ANTXR2: variants seen among roughly 807,000 people sequenced by gnomAD.
ANTXR2 encodes the protein ANTXR cell adhesion molecule 2.
A neutral mutation model predicts 73.7 loss-of-function variants in ANTXR2; 44 were observed. The ratio of observed to expected loss-of-function variants is 0.60; its 90% CI spans 0.47 to 0.77. The LOEUF is 0.77. Among genes scored for constraint, ANTXR2 ranks in the 30% least tolerant of loss-of-function variants. The pLI, the probability that ANTXR2 is intolerant of heterozygous loss-of-function variation, is 0.00. For synonymous variants in ANTXR2, 217 were observed against 205.9 expected (o/e 1.05, Z -0.46); for missense variants, 604 against 592.5 (o/e 1.02, Z -0.20).
chr4:80,066,089 T>C (rs1734482201), intron 3 of ANTXR2, among the ~76,000 whole-genome samples: 1 of 152,258 alleles, frequency 6.6e-6, no homozygotes, highest in East Asian at 1.9e-4. Context: ...TATATCCAAA[T>C]ATAGAGGACC....
At chr4:79,950,467 A>C (rs916314003) in intron 16 of ANTXR2, among the ~76,000 whole-genome samples, 8 of 152,212 alleles carry the variant, frequency 5.3e-5, no homozygotes, top group Admixed American at 4.6e-4. Context: ...AATAGCTTCA[A>C]AACATTTCAA....
rs894502537 is a variant in ANTXR2 at position 79,936,648 on chromosome 4, T to TA, written c.1429-29182dup. Among the ~76,000 whole-genome samples the TA allele has an allele frequency of 1.1e-3, 168 of 151,664 alleles. 1 individual carries two copies. The highest frequency in any genetic ancestry group is 1.4e-3 in the Non-Finnish European group (97 of 67,810). On this transcript the variant is annotated intron_variant, in intron 16 of 16. Transcript: ENST00000403729. ...GGACTGGGAAATAATGCAAAAGAAA[T>TA]AAAAAAAATCCTTTATTAAACGTAA...
chr4:80,005,992 AAACATGTCAGAAT>A (rs1731284040), intron 12 of ANTXR2, among the ~76,000 whole-genome samples: 1 of 152,092 alleles, frequency 6.6e-6, no homozygotes, highest in African/African-American at 2.4e-5. Context: ...GCACTTCTGA[AAACATGTCAGAAT>A]AACTCATGAT....
chr4:80,026,074 A>G (rs1293322964), intron 10 of ANTXR2, among the ~76,000 whole-genome samples: 2 of 152,164 alleles, frequency 1.3e-5, no homozygotes, highest in African/African-American at 2.4e-5. Context: ...CCTTTCATCC[A>G]AAACTTTAAA....
At position 79,904,375 on chromosome 4, in the gene ANTXR2, G is replaced by A. The variant is rs911535954; in HGVS notation, c.*3054C>T. 5 of 152,070 alleles carry A rather than the reference G, an allele frequency of 3.3e-5. No individual in the cohort carries two copies. The highest frequency in any genetic ancestry group is 4.8e-5 in the African/African-American group (2 of 41,416). The allele number at this position is 152,070 out of a possible 1,614,324, so 9.4% of individuals were successfully genotyped here. A position where few individuals can be genotyped will look rare whatever the true frequency, so the allele number is the denominator to read the frequency against. On this transcript the variant is annotated 3_prime_UTR_variant, in exon 17 of 17. Transcript: ENST00000403729. ...GTCAAAATAGTAATTAACCATAGAT[G>A]ACAGATGCTGCTCCCTAGTCAATGG...
At chr4:79,966,420 C>A (rs1729367875) in intron 16 of ANTXR2, among the ~76,000 whole-genome samples, 2 of 152,148 alleles carry the variant, frequency 1.3e-5, no homozygotes, top group South Asian at 4.1e-4. Context: ...CTATGGATGT[C>A]TTCTCGTGCA....
chr4:80,013,332 G>A (rs1008692722), intron 11 of ANTXR2, among the ~76,000 whole-genome samples: 8 of 152,158 alleles, frequency 5.3e-5, no homozygotes, highest in Non-Finnish European at 7.4e-5. Context: ...TGTGAGAGAC[G>A]GGCAATAAGC....
chr4:79,930,758 A>G (rs1437522049), intron 16 of ANTXR2, among the ~76,000 whole-genome samples: 1 of 152,258 alleles, frequency 6.6e-6, no homozygotes, highest in Non-Finnish European at 1.5e-5. Flanking sequence ...ATTTGGAAGC[A>G]GTATGGAAAC....
chr4:80,051,878 A>G (rs955490674), intron 7 of ANTXR2, among the ~76,000 whole-genome samples: 2 of 151,694 alleles, frequency 1.3e-5, no homozygotes, highest in South Asian at 4.1e-4. Context: ...TGTCTTAACA[A>G]TATATGATAT....
chr4:79,912,856 A>C (rs922077333), intron 16 of ANTXR2, among the ~76,000 whole-genome samples: 1 of 152,166 alleles, frequency 6.6e-6, no homozygotes, highest in Non-Finnish European at 1.5e-5. Flanking sequence ...AACTTTCTAA[A>C]GATGAAAAAA....
chr4:79,915,862 C>CTCTCTCTCTCTCTCTATATATATA (rs377006532), intron 16 of ANTXR2, among the ~76,000 whole-genome samples: 1 of 123,878 alleles, frequency 8.1e-6, no homozygotes, highest in African/African-American at 3.0e-5. Context: ...CTCTCTCTCT[C>CTCTCTCTCTCTCTCTATATATATA]TATATATATA....
intron 12 of ANTXR2, among the ~76,000 whole-genome samples, chr4:80,003,012 A>G (rs1578145370): frequency 7.0e-6 from 1 of 143,400 alleles, no homozygotes; most frequent in African/African-American, 2.5e-5. Context: ...GCCATTCCTC[A>G]GGGATCTAGA....
chr4:79,958,252 A>G (rs552532545), intron 16 of ANTXR2, among the ~76,000 whole-genome samples: 1 of 152,216 alleles, frequency 6.6e-6, no homozygotes, highest in Non-Finnish European at 1.5e-5. Flanking sequence ...CTTGTCTATC[A>G]TTCCTAACTG....
At chr4:79,963,687 G>A (rs1180006213) in intron 16 of ANTXR2, among the ~76,000 whole-genome samples, 1 of 151,864 alleles carries the variant, frequency 6.6e-6, no homozygotes, top group African/African-American at 2.4e-5. Flanking sequence ...AATATTTTAC[G>A]TTACTATAGA....
intron 16 of ANTXR2, among the ~76,000 whole-genome samples, chr4:79,973,515 C>A: frequency 6.6e-6 from 1 of 151,984 alleles, no homozygotes; most frequent in African/African-American, 2.4e-5. Context: ...GCAACCTTCA[C>A]CTCCTGGGTT....
At chr4:79,926,050 T>C (rs866390500) in intron 16 of ANTXR2, among the ~76,000 whole-genome samples, 2 of 152,124 alleles carry the variant, frequency 1.3e-5, no homozygotes, top group Admixed American at 6.6e-5. Flanking sequence ...CTTGGAATGA[T>C]TGTACATCAA....
intron 16 of ANTXR2, among the ~76,000 whole-genome samples, chr4:79,943,716 C>A (rs1728403010): frequency 7.1e-6 from 1 of 140,604 alleles, no homozygotes; most frequent in African/African-American, 2.7e-5. Flanking sequence ...GCACATGTAC[C>A]CTAAAACTTA....
At chr4:80,034,381 T>C (rs930532340) in intron 8 of ANTXR2, among the ~76,000 whole-genome samples, 6 of 152,128 alleles carry the variant, frequency 3.9e-5, no homozygotes, top group African/African-American at 1.4e-4. Context: ...AAATAAAATT[T>C]TAAATAGTTT....
intron 3 of ANTXR2, among the ~76,000 whole-genome samples, chr4:80,068,725 T>A (rs964927874): frequency 1.3e-5 from 2 of 152,266 alleles, no homozygotes; most frequent in African/African-American, 4.8e-5. Context: ...TGAGCCAAGA[T>A]AGCACCACTG....
Sources: allele counts gnomAD v4.1 joint callset (sites outside exome capture counted in the v4.1 genomes callset), GRCh38; gene constraint gnomAD v4.1.1; transcripts MANE v1.5; gene names NCBI Gene and HGNC (gene_info 2026-07-23, HGNC 2026-07-21).